Variants in CPNE4 observed in about 807,000 individuals in gnomAD.
The protein encoded by CPNE4 is copine 4.
CPNE4 carries 25 observed loss-of-function variants against 67.9 expected under a neutral mutation model. The ratio of observed to expected loss-of-function variants is 0.37; its 90% CI spans 0.27 to 0.51. The LOEUF is 0.51. CPNE4 is among the 20% of genes least tolerant of loss of function. The probability of loss-of-function intolerance (pLI) is 0.93; values close to 1 mark genes in which losing one functional copy is unlikely to be tolerated. For synonymous variants in CPNE4, 242 were observed against 244.9 expected (o/e 0.99, Z 0.11); for missense variants, 464 against 690.8 (o/e 0.67, Z 3.68).
At chr3:131,772,308 A>T (rs1456523808) in intron 2 of CPNE4, among the ~76,000 whole-genome samples, 1 of 152,188 alleles carries the variant, frequency 6.6e-6, no homozygotes, top group Non-Finnish European at 1.5e-5. Context: ...AAACAGATTC[A>T]ATAAATTTTA....
chr3:131,934,564 G>GC (rs753991983), intron 1 of CPNE4, among the ~76,000 whole-genome samples: 105 of 151,966 alleles, frequency 6.9e-4, no homozygotes, highest in Middle Eastern at 3.2e-3. Context: ...CACTCCTGTA[G>GC]CCCCCCACCC....
intron 2 of CPNE4, among the ~76,000 whole-genome samples, chr3:131,746,068 T>C (rs1399555010): frequency 6.6e-6 from 1 of 152,158 alleles, no homozygotes; most frequent in Non-Finnish European, 1.5e-5. Flanking sequence ...ATTCACATTA[T>C]GTAGTTTTCA....
chr3:131,910,629 C>G (rs1025677141), intron 1 of CPNE4, among the ~76,000 whole-genome samples: 1 of 152,028 alleles, frequency 6.6e-6, no homozygotes, highest in Admixed American at 6.6e-5. Context: ...GAAAGTCATG[C>G]TAGGGATGAG....
intron 7 of CPNE4, among the ~76,000 whole-genome samples, chr3:131,655,851 T>C (rs1015550089): frequency 1.5e-4 from 23 of 152,320 alleles, no homozygotes; most frequent in South Asian, 4.1e-4. Flanking sequence ...TCATGGTTAG[T>C]ACTAGACTTA....
At chr3:131,725,695 GCTGAC>G (rs1259325645) in intron 2 of CPNE4, among the ~76,000 whole-genome samples, 1 of 152,170 alleles carries the variant, frequency 6.6e-6, no homozygotes, top group African/African-American at 2.4e-5. Context: ...GCAGGGATAA[GCTGAC>G]TTGAAGGTAC....
chr3:132,021,685 T>A (rs2073999416), intron 1 of CPNE4, among the ~76,000 whole-genome samples: 2 of 141,804 alleles, frequency 1.4e-5, no homozygotes, highest in Admixed American at 7.5e-5. Context: ...CTGGATCTCA[T>A]TTGACAATGA....
chr3:131,980,913 C>T (rs1157463546), intron 1 of CPNE4, among the ~76,000 whole-genome samples: 2 of 152,146 alleles, frequency 1.3e-5, no homozygotes, highest in African/African-American at 4.8e-5. Context: ...TCCCCCTTTT[C>T]CTATGGATGC....
intron 1 of CPNE4, among the ~76,000 whole-genome samples, chr3:132,033,286 C>T (rs139020706): frequency 1.3e-5 from 2 of 152,194 alleles, no homozygotes; most frequent in African/African-American, 4.8e-5. Context: ...CCTGGCAAAG[C>T]AGCAAGAGGA....
At chr3:131,558,538 T>TA (rs201391003) in intron 11 of CPNE4, among the ~76,000 whole-genome samples, 2,329 of 150,992 alleles carry the variant, frequency 0.015, 58 homozygotes, top group African/African-American at 0.05. Context: ...TAAAATACAA[T>TA]AAAAAAAAAC....
intron 10 of CPNE4, among the ~76,000 whole-genome samples, chr3:131,570,076 ATAATT>A (rs1267542404): frequency 6.6e-6 from 1 of 151,804 alleles, no homozygotes; most frequent in African/African-American, 2.4e-5. Context: ...CCTTAGAATT[ATAATT>A]TAAATAGGCT....
intron 1 of CPNE4, among the ~76,000 whole-genome samples, chr3:131,983,319 G>C (rs1004011448): frequency 6.6e-6 from 1 of 152,096 alleles, no homozygotes; most frequent in Non-Finnish European, 1.5e-5. Context: ...AATCTGGTAA[G>C]ACTAATTTAC....
intron 5 of CPNE4, 63 bp from the exon 6 acceptor site, chr3:131,686,021 C>A: frequency 3.4e-6 from 3 of 889,438 alleles, no homozygotes; most frequent in South Asian, 3.1e-5. Flanking sequence ...CCTGATCAAT[C>A]AGGAATATTT....
intron 13 of CPNE4, among the ~76,000 whole-genome samples, chr3:131,551,033 T>C (rs1289569194): frequency 2.6e-5 from 4 of 152,138 alleles, no homozygotes; most frequent in Non-Finnish European, 4.4e-5. Context: ...ATTGCTTGCC[T>C]TCCCCTATTC....
intron 3 of CPNE4, 80 bp from the exon 4 acceptor site, chr3:131,700,060 T>TTTTTTTTTTTTTTG: frequency 1.5e-6 from 1 of 667,624 alleles, no homozygotes; most frequent in Non-Finnish European, 2.3e-6. Flanking sequence ...AAACCTTTTT[T>TTTTTTTTTTTTTTG]TTTTTTTTTT....
At chr3:131,633,179 C>G (rs1460287776) in intron 7 of CPNE4, among the ~76,000 whole-genome samples, 1 of 152,168 alleles carries the variant, frequency 6.6e-6, no homozygotes, top group Non-Finnish European at 1.5e-5. Context: ...TATCCAGAAT[C>G]TAATTCCATC....
At chr3:131,935,384 T>C in intron 1 of CPNE4, among the ~76,000 whole-genome samples, 1 of 152,170 alleles carries the variant, frequency 6.6e-6, no homozygotes, top group East Asian at 1.9e-4. Flanking sequence ...TGTATAGAGA[T>C]ATTTGAGCAA....
Position 131,888,436 on chromosome 3 carries a change from G to A in CPNE4, c.180+16828C>T, listed in dbSNP as rs573387692. On this transcript the variant is annotated intron_variant, in intron 2 of 15. Coordinates refer to ENST00000429747, the MANE Select transcript of CPNE4 (RefSeq NM_130808.3). ...AAAAGTCTCTAGGACTAACTACTCCGACGAAAAGGAGCTCTTGAAATATAG... is the reference window on the plus strand; with the variant it reads ...AAAAGTCTCTAGGACTAACTACTCCAACGAAAAGGAGCTCTTGAAATATAG... Among the ~76,000 whole-genome samples the A allele has an allele frequency of 1.6e-4, 25 of 151,674 alleles. No individual in the cohort carries two copies. The East Asian group carries it at 3.7e-3, about 22-fold the overall frequency.
At chr3:131,736,859 CT>C (rs1250286908) in intron 2 of CPNE4, among the ~76,000 whole-genome samples, 4 of 152,088 alleles carry the variant, frequency 2.6e-5, no homozygotes, top group African/African-American at 9.7e-5. Context: ...CAATTGCAGA[CT>C]TTTTCTCCTA....
intron 1 of CPNE4, among the ~76,000 whole-genome samples, chr3:131,979,185 C>A (rs191955203): frequency 5.9e-5 from 9 of 152,176 alleles, no homozygotes; most frequent in Admixed American, 5.9e-4. Flanking sequence ...ATGAAATGTT[C>A]TGTATATGTC....
Sources: gnomAD v4.1 joint callset for allele counts (sites outside exome capture counted in the v4.1 genomes callset) on GRCh38, gnomAD v4.1.1 for gene constraint, MANE v1.5 for transcripts, NCBI Gene and HGNC (gene_info 2026-07-23, HGNC 2026-07-21) for gene names.